Variants in HEPHL1 observed in about 807,000 individuals in gnomAD.
The protein encoded by HEPHL1 is ferroxidase HEPHL1.
In HEPHL1, 123 loss-of-function variants were observed where a neutral mutation model predicts 122.0. The ratio of observed to expected loss-of-function variants is 1.01; its 90% CI spans 0.87 to 1.17. The LOEUF is 1.17. Among genes scored for constraint, HEPHL1 ranks in the 50% most tolerant of loss-of-function variants. The pLI is 0.00. For synonymous variants in HEPHL1, 527 were observed against 508.9 expected (o/e 1.04, Z -0.48); for missense variants, 1,452 against 1,430.5 (o/e 1.01, Z -0.24).
chr11:94,089,506 A>C (rs1946247126), intron 12 of HEPHL1, among the ~76,000 whole-genome samples: 1 of 152,190 alleles, frequency 6.6e-6, no homozygotes, highest in African/African-American at 2.4e-5. Flanking sequence ...GAAAGTCTGC[A>C]AGACTGGCCC....
At position 94,112,909 on chromosome 11, in the gene HEPHL1, T is replaced by C. The variant is rs1946462970; in HGVS notation, c.*1015T>C. Reference sequence around the variant, plus strand: ...TATGAGAAACATCAGGAGGAATTTATCAATGTAGGTGACTAGATAGGAGAA... The same window carrying C: ...TATGAGAAACATCAGGAGGAATTTACCAATGTAGGTGACTAGATAGGAGAA... On this transcript the variant is annotated 3_prime_UTR_variant, in exon 20 of 20. Transcript: ENST00000315765. 6.6e-6 allele frequency: 1 copy of C among 152,142 alleles called. No homozygotes were observed. The highest frequency in any genetic ancestry group is 2.4e-5 in the African/African-American group (1 of 41,414). The allele number at this position is 152,142 out of a possible 1,614,324, so 9.4% of individuals were successfully genotyped here.
At chr11:94,108,436 C>G (rs866142476) in intron 17 of HEPHL1, among the ~76,000 whole-genome samples, 7 of 151,766 alleles carry the variant, frequency 4.6e-5, no homozygotes, top group African/African-American at 1.5e-4. Context: ...TTTCTTTTTT[C>G]TCTTTTATAG....
At chr11:94,054,071 G>T (rs1423191445) in intron 2 of HEPHL1, among the ~76,000 whole-genome samples, 1 of 152,142 alleles carries the variant, frequency 6.6e-6, no homozygotes, top group African/African-American at 2.4e-5. Flanking sequence ...AACAATTATT[G>T]TTGAGTTGTC....
intron 1 of HEPHL1, among the ~76,000 whole-genome samples, chr11:94,037,356 T>C (rs1391960906): frequency 2.0e-5 from 3 of 151,710 alleles, no homozygotes; most frequent in African/African-American, 7.3e-5. Flanking sequence ...TTGAACTGGG[T>C]GGAGCCCACC....
intron 16 of HEPHL1, 117 bp downstream of exon 16, chr11:94,104,867 GACT>G: frequency 3.8e-6 from 3 of 798,812 alleles, no homozygotes; most frequent in Non-Finnish European, 6.0e-6. Context: ...GGGGCACCTG[GACT>G]GAAGAAAGTC....
intron 2 of HEPHL1, among the ~76,000 whole-genome samples, chr11:94,051,929 G>A (rs1156813628): frequency 2.0e-5 from 3 of 151,986 alleles, no homozygotes; most frequent in South Asian, 2.1e-4. Context: ...TGGCACCTTT[G>A]TCAAAAGTTA....
intron 1 of HEPHL1, among the ~76,000 whole-genome samples, chr11:94,043,628 A>T (rs1302735002): frequency 6.6e-6 from 1 of 151,964 alleles, no homozygotes; most frequent in Non-Finnish European, 1.5e-5. Context: ...CTCTGGGCAC[A>T]CTCCTCACTC....
At chr11:94,068,178 A>G (rs1035444409) in intron 5 of HEPHL1, among the ~76,000 whole-genome samples, 1 of 152,208 alleles carries the variant, frequency 6.6e-6, no homozygotes. Context: ...TGAAGAAGGA[A>G]AGAAAGACTT....
chr11:94,033,044 C>A (rs1452912346), intron 1 of HEPHL1, among the ~76,000 whole-genome samples: 1 of 152,114 alleles, frequency 6.6e-6, no homozygotes, highest in Non-Finnish European at 1.5e-5. Flanking sequence ...ACACAAGAGC[C>A]CAGAAGTATG....
At chr11:94,051,606 G>A (rs1413615669) in intron 2 of HEPHL1, among the ~76,000 whole-genome samples, 2 of 151,992 alleles carry the variant, frequency 1.3e-5, no homozygotes, top group African/African-American at 2.4e-5. Context: ...TCACTTTGTT[G>A]ATTGTTTCCT....
intron 14 of HEPHL1, among the ~76,000 whole-genome samples, chr11:94,102,623 A>G (rs1458412647): frequency 6.6e-6 from 1 of 152,220 alleles, no homozygotes; most frequent in Non-Finnish European, 1.5e-5. Flanking sequence ...ACATTTAAGG[A>G]GGAAAAACAG....
Position 94,113,935 on chromosome 11 carries a change from C to T in HEPHL1, c.*2041C>T, listed in dbSNP as rs1467898243. On this transcript the variant is annotated 3_prime_UTR_variant, in exon 20 of 20. Transcript: ENST00000315765. ...ACTTCTCAAACATTGTTTCCTCAAA[C>T]ATAACTACACTCCTTGTTCTCAGCC... 6.6e-6 allele frequency among the ~76,000 whole-genome samples: 1 copy of T among 152,188 alleles called. No individual in the cohort carries two copies. The highest frequency in any genetic ancestry group is 1.5e-5 in the Non-Finnish European group (1 of 68,030).
intron 8 of HEPHL1, among the ~76,000 whole-genome samples, chr11:94,074,440 A>G (rs545826480): frequency 6.9e-6 from 1 of 144,282 alleles, no homozygotes; most frequent in East Asian, 2.1e-4. Flanking sequence ...AAAAAATAAA[A>G]GAAAAAAATG....
intron 9 of HEPHL1, among the ~76,000 whole-genome samples, chr11:94,080,327 C>T (rs1946160535): frequency 2.0e-5 from 3 of 152,118 alleles, no homozygotes; most frequent in African/African-American, 7.2e-5. Context: ...TGTGTAAAAC[C>T]CAAAACTATA....
chr11:94,023,464 A>C (rs1945598367), intron 1 of HEPHL1, among the ~76,000 whole-genome samples: 1 of 152,196 alleles, frequency 6.6e-6, no homozygotes. Context: ...GTTTTCACAA[A>C]GTGGGGTGCT....
At chr11:94,075,552 G>T (rs368072314) in intron 9 of HEPHL1, among the ~76,000 whole-genome samples, 167 bp downstream of exon 9, 3 of 152,280 alleles carry the variant, frequency 2.0e-5, no homozygotes, top group African/African-American at 7.2e-5. Context: ...TGGTGAAAAT[G>T]TAAGATCTAA....
intron 13 of HEPHL1, among the ~76,000 whole-genome samples, chr11:94,100,838 A>T (rs536916554): frequency 1.3e-5 from 2 of 152,308 alleles, no homozygotes; most frequent in Non-Finnish European, 2.9e-5. Context: ...GTATCAGTGC[A>T]CTGAAGTAAA....
chr11:94,042,374 G>A (rs1275344731), intron 1 of HEPHL1, among the ~76,000 whole-genome samples: 5 of 141,066 alleles, frequency 3.5e-5, no homozygotes, highest in South Asian at 2.5e-4. Context: ...CCCATTACTG[G>A]GTATATACCC....
chr11:94,072,280 C>T (rs1010371368), intron 6 of HEPHL1, among the ~76,000 whole-genome samples: 4 of 151,870 alleles, frequency 2.6e-5, no homozygotes, highest in Non-Finnish European at 4.4e-5. Flanking sequence ...ATAATGGGCT[C>T]CACCCAGTGT....
Sources: gnomAD v4.1 joint callset for allele counts (sites outside exome capture counted in the v4.1 genomes callset) on GRCh38, gnomAD v4.1.1 for gene constraint, MANE v1.5 for transcripts, NCBI Gene and HGNC (gene_info 2026-07-23, HGNC 2026-07-21) for gene names.